H2AC25: variants seen among roughly 807,000 people sequenced by gnomAD.
The protein encoded by H2AC25 is histone H2A type 3.
chr1:228,457,568 G>A, the H2AC25 span: 1 of 1,614,102 alleles, frequency 6.2e-7, no homozygotes, highest in Non-Finnish European at 8.5e-7. Flanking sequence ...GCCAGCTGCA[G>A]GTGGCGCGGG....
chr1:228,457,768 G>T, the H2AC25 span: 5 of 1,610,486 alleles, frequency 3.1e-6, no homozygotes, highest in Non-Finnish European at 4.2e-6. Context: ...CGACGAGCGC[G>T]ACTTAGCCTT....
the H2AC25 span, chr1:228,457,734 C>T: frequency 6.2e-7 from 1 of 1,612,570 alleles, no homozygotes; most frequent in Non-Finnish European, 8.5e-7. Flanking sequence ...GCACGCGGCC[C>T]ACGGGGAACT....
the H2AC25 span, chr1:228,457,571 G>A: frequency 5.0e-6 from 8 of 1,614,072 alleles, no homozygotes; most frequent in Non-Finnish European, 6.8e-6. Context: ...AGCTGCAGGT[G>A]GCGCGGGATG....
the H2AC25 span, chr1:228,457,631 T>C: frequency 1.2e-6 from 2 of 1,613,808 alleles, no homozygotes; most frequent in South Asian, 2.2e-5. Flanking sequence ...AGCTCCAGGA[T>C]CTCGGCAGTC....
chr1:228,457,672 G>A, the H2AC25 span: 4 of 1,613,608 alleles, frequency 2.5e-6, no homozygotes, highest in East Asian at 2.2e-5. Context: ...CAGATAGACC[G>A]GGGCGCCGGC....
At chr1:228,457,399 A>G in the H2AC25 span, 2 of 1,613,138 alleles carry the variant, frequency 1.2e-6, no homozygotes, top group Non-Finnish European at 1.7e-6. Flanking sequence ...TGTCCATCAA[A>G]GGGGCCCCGG....
At chr1:228,457,798 T>C in the H2AC25 span, 1 of 1,603,594 alleles carries the variant, frequency 6.2e-7, no homozygotes, top group Non-Finnish European at 8.5e-7. Flanking sequence ...CTTGCCACCC[T>C]GCTTACCACG....
chr1:228,457,382 G>A, the H2AC25 span: 2 of 1,609,608 alleles, frequency 1.2e-6, no homozygotes, highest in African/African-American at 2.7e-5. Context: ...TCTGAAAAGA[G>A]CCTTTATGTC....
chr1:228,457,448 G>A, the H2AC25 span: 3 of 1,614,090 alleles, frequency 1.9e-6, no homozygotes, highest in Non-Finnish European at 2.5e-6. Flanking sequence ...GCCTTGTGGT[G>A]GCTCTCCGTC....
At chr1:228,457,868 CAA>C in the H2AC25 span, 4 of 1,562,842 alleles carry the variant, frequency 2.6e-6, no homozygotes, top group East Asian at 4.5e-5. Context: ...AGACTAAAAA[CAA>C]GAGGGCAGTG....
the H2AC25 span, chr1:228,457,849 C>T: frequency 4.4e-6 from 7 of 1,574,510 alleles, no homozygotes; most frequent in Admixed American, 1.9e-5. Flanking sequence ...CAACGGCAAC[C>T]GAAAAGCGAG....
At chr1:228,457,781 C>A in the H2AC25 span, 1 of 1,608,590 alleles carries the variant, frequency 6.2e-7, no homozygotes, top group Non-Finnish European at 8.5e-7. Context: ...TTAGCCTTGG[C>A]GCGCGCCTTG....
chr1:228,457,851 A>AT, the H2AC25 span: 1 of 1,574,038 alleles, frequency 6.4e-7, no homozygotes, highest in African/African-American at 1.4e-5. Context: ...ACGGCAACCG[A>AT]AAAGCGAGAC....
the H2AC25 span, chr1:228,457,845 C>A: frequency 1.3e-6 from 2 of 1,578,590 alleles, no homozygotes; most frequent in Non-Finnish European, 8.6e-7. Flanking sequence ...AAGACAACGG[C>A]AACCGAAAAG....
At chr1:228,457,829 G>A in the H2AC25 span, 14 of 1,582,116 alleles carry the variant, frequency 8.8e-6, no homozygotes, top group East Asian at 4.5e-5. Context: ...TCCGAGTCAA[G>A]GAAAAAAGAC....
chr1:228,457,690 C>T, the H2AC25 span: 3 of 1,613,520 alleles, frequency 1.9e-6, no homozygotes, highest in Non-Finnish European at 2.5e-6. Flanking sequence ...GGCGCCCACG[C>T]GCTCCGAATA....
chr1:228,457,588 G>C, the H2AC25 span: 2 of 1,614,070 alleles, frequency 1.2e-6, no homozygotes, highest in Non-Finnish European at 1.7e-6. Context: ...GATGATGCGC[G>C]TCTTCTTGTT....
the H2AC25 span, chr1:228,457,428 C>A: frequency 1.2e-6 from 2 of 1,613,922 alleles, no homozygotes; most frequent in African/African-American, 2.7e-5. Flanking sequence ...GGCGGCCTCA[C>A]TTGCCCTTGG....
chr1:228,457,678 C>A, the H2AC25 span: 1 of 1,613,630 alleles, frequency 6.2e-7, no homozygotes. Context: ...GACCGGGGCG[C>A]CGGCGCCCAC....
Sources: allele counts gnomAD v4.1 joint callset, GRCh38; gene constraint gnomAD v4.1.1; transcripts MANE v1.5; gene names NCBI Gene and HGNC (gene_info 2026-07-23, HGNC 2026-07-21).